Variants in STT3B observed in about 807,000 individuals in gnomAD.
The protein encoded by STT3B is STT3 oligosaccharyltransferase complex catalytic subunit B.
Under a neutral mutation model 96.8 loss-of-function variants are expected in STT3B, and 29 were observed. The ratio of observed to expected loss-of-function variants is 0.30; its 90% CI spans 0.22 to 0.41. The LOEUF is 0.41. Among genes scored for constraint, STT3B ranks in the 10% least tolerant of loss-of-function variants. The pLI, the probability that STT3B is intolerant of heterozygous loss-of-function variation, is 1.00. For synonymous variants in STT3B, 367 were observed against 360.0 expected (o/e 1.02, Z -0.22); for missense variants, 640 against 1,022.3 (o/e 0.63, Z 5.10).
intron 4 of STT3B, among the ~76,000 whole-genome samples, chr3:31,597,973 T>C (rs1021449976): frequency 3.3e-5 from 5 of 151,960 alleles, no homozygotes; most frequent in South Asian, 2.1e-4. Flanking sequence ...GTGGCTGAGA[T>C]TGCAGATGTG....
At chr3:31,604,618 C>T (rs1017825994) in intron 5 of STT3B, among the ~76,000 whole-genome samples, 1 of 152,014 alleles carries the variant, frequency 6.6e-6, no homozygotes, top group Non-Finnish European at 1.5e-5. Context: ...TGAATAAAAA[C>T]CTTCGTGTAA....
intron 3 of STT3B, among the ~76,000 whole-genome samples, chr3:31,589,709 G>T (rs1186850821): frequency 6.6e-6 from 1 of 151,826 alleles, no homozygotes; most frequent in Non-Finnish European, 1.5e-5. Context: ...CTGTGACCTT[G>T]CTAAATTTGC....
At chr3:31,580,982 G>C (rs1698371473) in intron 3 of STT3B, among the ~76,000 whole-genome samples, 1 of 150,876 alleles carries the variant, frequency 6.6e-6, no homozygotes, top group African/African-American at 2.4e-5. Context: ...TCTGTTGAAT[G>C]CCTTTTAATA....
chr3:31,537,478 AT>A (rs1374833903), intron 1 of STT3B, among the ~76,000 whole-genome samples: 1 of 152,220 alleles, frequency 6.6e-6, no homozygotes. Flanking sequence ...ATTAAATTGT[AT>A]GAATTTATGA....
intron 14 of STT3B, 99 bp downstream of exon 14, chr3:31,629,510 C>A: frequency 1.6e-6 from 1 of 622,644 alleles, no homozygotes; most frequent in Non-Finnish European, 2.7e-6. Flanking sequence ...TTTGATTGTG[C>A]TGAAGAGAAA....
At chr3:31,632,819 G>T in intron 14 of STT3B, 116 bp from the exon 15 acceptor site, 1 of 886,704 alleles carries the variant, frequency 1.1e-6, no homozygotes, top group Non-Finnish European at 1.8e-6. Context: ...TAGATTACTT[G>T]ATTGTTTTCC....
intron 3 of STT3B, among the ~76,000 whole-genome samples, chr3:31,592,529 A>C (rs552274973): frequency 5.9e-5 from 9 of 152,102 alleles, no homozygotes; most frequent in Non-Finnish European, 8.8e-5. Context: ...CCACAACAGC[A>C]GTATCATTTT....
At chr3:31,596,928 T>C in intron 4 of STT3B, 65 bp downstream of exon 4, 2 of 1,151,046 alleles carry the variant, frequency 1.7e-6, no homozygotes, top group Admixed American at 2.1e-5. Context: ...ACAGTTCTTT[T>C]CTCCTGAAGT....
chr3:31,633,264 C>A, intron 15 of STT3B, 117 bp downstream of exon 15: 1 of 871,274 alleles, frequency 1.1e-6, no homozygotes. Flanking sequence ...ACTATGGCTT[C>A]TATATTAATA....
intron 5 of STT3B, among the ~76,000 whole-genome samples, chr3:31,601,068 A>G (rs1421554484): frequency 2.0e-5 from 3 of 152,188 alleles, no homozygotes; most frequent in Admixed American, 6.5e-5. Context: ...TTCTATTATA[A>G]TAATGTTTTT....
Position 31,623,929 on chromosome 3 carries a change from T to G in STT3B, c.1727+68T>G, listed in dbSNP as rs555706657. ...TTCTTTTTCGTTGTCTCAAAGGATA[T>G]AATTAAAAAATAGAATGTTGTTTGT... On this transcript the variant is annotated intron_variant, in intron 11 of 15. Transcript: ENST00000295770. The G allele has an allele frequency of 1.5e-5, 19 of 1,296,132 alleles. No homozygotes were observed. In the African/African-American group the frequency reaches 2.8e-4, roughly 19 times the overall value. 80.3% of individuals were successfully genotyped at this position (1,296,132 alleles called of 1,614,324 possible).
intron 1 of STT3B, among the ~76,000 whole-genome samples, chr3:31,550,600 A>G (rs955233488): frequency 6.6e-6 from 1 of 152,218 alleles, no homozygotes; most frequent in Non-Finnish European, 1.5e-5. Flanking sequence ...ATGAATTTCT[A>G]TCATTGTTTT....
intron 4 of STT3B, 33 bp downstream of exon 4, chr3:31,596,896 T>TCAA: frequency 1.3e-6 from 2 of 1,505,174 alleles, no homozygotes; most frequent in Non-Finnish European, 1.8e-6. Flanking sequence ...ACATGAAGTC[T>TCAA]AGTAGGTCTC....
chr3:31,597,122 A>G (rs1351476961), intron 4 of STT3B, among the ~76,000 whole-genome samples: 2 of 152,088 alleles, frequency 1.3e-5, no homozygotes, highest in African/African-American at 4.8e-5. Flanking sequence ...TAAATGTTTT[A>G]TTAAGAATTT....
chr3:31,546,461 A>T (rs989149563), intron 1 of STT3B, among the ~76,000 whole-genome samples: 3 of 152,176 alleles, frequency 2.0e-5, no homozygotes, highest in African/African-American at 4.8e-5. Context: ...CGGGGTTCTG[A>T]GAAAGAACAT....
intron 10 of STT3B, 59 bp downstream of exon 10, chr3:31,622,367 A>G: frequency 7.3e-7 from 1 of 1,366,522 alleles, no homozygotes; most frequent in Non-Finnish European, 1.0e-6. Flanking sequence ...TTTTTCCACC[A>G]CAGTAAGAAC....
intron 5 of STT3B, among the ~76,000 whole-genome samples, chr3:31,610,629 G>A (rs1322931049): frequency 6.6e-6 from 1 of 152,066 alleles, no homozygotes; most frequent in Non-Finnish European, 1.5e-5. Context: ...TTAAGTCAAG[G>A]ACTATGGTAT....
intron 1 of STT3B, among the ~76,000 whole-genome samples, chr3:31,534,408 T>A (rs573709965): frequency 6.6e-6 from 1 of 151,974 alleles, no homozygotes; most frequent in Non-Finnish European, 1.5e-5. Flanking sequence ...TTTTTCCCCC[T>A]GAGTTAGGAT....
intron 5 of STT3B, among the ~76,000 whole-genome samples, chr3:31,609,495 G>A (rs897083936): frequency 1.3e-5 from 2 of 152,014 alleles, no homozygotes; most frequent in African/African-American, 4.8e-5. Flanking sequence ...GTTCCCACAG[G>A]GTAGAACTTA....
Sources: allele counts gnomAD v4.1 joint callset (sites outside exome capture counted in the v4.1 genomes callset), GRCh38; gene constraint gnomAD v4.1.1; transcripts MANE v1.5; gene names NCBI Gene and HGNC (gene_info 2026-07-23, HGNC 2026-07-21).